The following RPS6KC1 variants were observed in gnomAD, a reference collection of about 807,000 sequenced individuals.
RPS6KC1 encodes inactive ribosomal protein S6 kinase delta-1.
Under a neutral mutation model 103.8 loss-of-function variants are expected in RPS6KC1, and 54 were observed. That is an observed-to-expected ratio of 0.52 (90% confidence interval 0.42 to 0.65). RPS6KC1 has a LOEUF of 0.65. Among genes scored for constraint, RPS6KC1 ranks in the 30% least tolerant of loss-of-function variants. RPS6KC1 has a pLI of 0.00. For missense variants in RPS6KC1, 1,151 were observed against 1,253.8 expected (o/e 0.92, Z 1.24); for synonymous variants, 439 against 438.7 (o/e 1.00, Z -0.01).
chr1:213,470,630 T>G, the RPS6KC1 span, among the ~76,000 whole-genome samples: 21,788 of 146,204 alleles, frequency 0.15, 1,195 homozygotes, highest in East Asian at 0.25. Context: ...TTTTTTTTTT[T>G]TTTTTTAGAG....
At chr1:213,289,687 A>C in the RPS6KC1 span, among the ~76,000 whole-genome samples, 1 of 152,204 alleles carries the variant, frequency 6.6e-6, no homozygotes, top group Non-Finnish European at 1.5e-5. Flanking sequence ...TGTTACTTCT[A>C]TCTACTCTAT....
chr1:213,577,826 A>G, the RPS6KC1 span, among the ~76,000 whole-genome samples: 1 of 152,264 alleles, frequency 6.6e-6, no homozygotes, highest in African/African-American at 2.4e-5. Flanking sequence ...TATGTTTAAA[A>G]GGGAAGCAGA....
the RPS6KC1 span, among the ~76,000 whole-genome samples, chr1:213,333,344 C>T: frequency 6.6e-6 from 1 of 152,178 alleles, no homozygotes; most frequent in Non-Finnish European, 1.5e-5. Context: ...GAATGCGTGT[C>T]ATGAGTTAAG....
At chr1:213,664,220 T>A in the RPS6KC1 span, among the ~76,000 whole-genome samples, 2 of 142,876 alleles carry the variant, frequency 1.4e-5, no homozygotes, top group African/African-American at 2.6e-5. Flanking sequence ...AGGGGAGCGC[T>A]CTGAGAACAC....
chr1:213,728,575 C>T, the RPS6KC1 span, among the ~76,000 whole-genome samples: 1 of 152,062 alleles, frequency 6.6e-6, no homozygotes, highest in South Asian at 2.1e-4. Flanking sequence ...ATAAGAGTAC[C>T]CACTGCCCGG....
At chr1:213,059,696 C>T (rs770960197) in intron 1 of RPS6KC1, among the ~76,000 whole-genome samples, 13 of 150,520 alleles carry the variant, frequency 8.6e-5, no homozygotes, top group Admixed American at 1.3e-4. Flanking sequence ...TTTTTTGAGA[C>T]GCATCTCGCT....
At chr1:213,528,896 T>G in the RPS6KC1 span, among the ~76,000 whole-genome samples, 97,592 of 152,130 alleles carry the variant, frequency 0.64, 33,642 homozygotes, top group East Asian at 0.98. Flanking sequence ...TCAGAAGTCT[T>G]CTGGAAAATA....
chr1:213,301,962 C>T, the RPS6KC1 span, among the ~76,000 whole-genome samples: 1 of 152,120 alleles, frequency 6.6e-6, no homozygotes, highest in Non-Finnish European at 1.5e-5. Flanking sequence ...TCTCGAACTC[C>T]TGGCCTCAAG....
chr1:213,524,957 T>G, the RPS6KC1 span, among the ~76,000 whole-genome samples: 2 of 152,340 alleles, frequency 1.3e-5, no homozygotes, highest in Admixed American at 1.3e-4. Context: ...TTAACGACTT[T>G]TTGCCTTTTC....
chr1:213,519,403 AAG>A, the RPS6KC1 span, among the ~76,000 whole-genome samples: 1 of 152,218 alleles, frequency 6.6e-6, no homozygotes, highest in South Asian at 2.1e-4. Flanking sequence ...GCAGAAAAGA[AAG>A]AGGTTTTTCA....
chr1:213,533,802 A>G, the RPS6KC1 span, among the ~76,000 whole-genome samples: 2 of 152,222 alleles, frequency 1.3e-5, no homozygotes, highest in Non-Finnish European at 2.9e-5. Flanking sequence ...CTACCCAGCA[A>G]TTAGCTATAC....
the RPS6KC1 span, among the ~76,000 whole-genome samples, chr1:213,636,522 C>T: frequency 6.6e-6 from 1 of 152,082 alleles, no homozygotes; most frequent in Non-Finnish European, 1.5e-5. Flanking sequence ...GGAAAGGATT[C>T]CCTATTTAAT....
the RPS6KC1 span, among the ~76,000 whole-genome samples, chr1:213,346,181 A>G: frequency 6.6e-6 from 1 of 152,154 alleles, no homozygotes; most frequent in Non-Finnish European, 1.5e-5. Context: ...TTTTTTTCTA[A>G]AGTCCAGCTT....
At chr1:213,637,373 G>A in the RPS6KC1 span, among the ~76,000 whole-genome samples, 20,853 of 146,396 alleles carry the variant, frequency 0.14, 2,300 homozygotes, top group African/African-American at 0.31. Flanking sequence ...CAACCCAAAT[G>A]TCCATCAATG....
At chr1:213,538,795 G>A in the RPS6KC1 span, among the ~76,000 whole-genome samples, 1 of 152,126 alleles carries the variant, frequency 6.6e-6, no homozygotes, top group Non-Finnish European at 1.5e-5. Flanking sequence ...ATTAAGCAAG[G>A]CAGGAATAAG....
intron 5 of RPS6KC1, among the ~76,000 whole-genome samples, chr1:213,127,965 A>G (rs2085173064): frequency 6.6e-6 from 1 of 152,234 alleles, no homozygotes; most frequent in Non-Finnish European, 1.5e-5. Flanking sequence ...TGAATGTAAC[A>G]GAAACAGAAA....
the RPS6KC1 span, among the ~76,000 whole-genome samples, chr1:213,807,652 T>C: frequency 2.0e-5 from 3 of 152,076 alleles, no homozygotes; most frequent in African/African-American, 7.2e-5. Flanking sequence ...AGCACTTCTC[T>C]GTATTGGTTA....
In RPS6KC1 at chr1:213,083,715, CTG is replaced by C. The variant is rs1401948025; in HGVS notation, c.262+5903_262+5904del. The stretch of plus-strand genomic sequence containing the variant: ...TGAATCTTTGAGGCCAAAGAGAGGT[CTG>C]TGTTGGCCAGCTTCCAAGATGGCCC... On this transcript the variant is annotated intron_variant, in intron 3 of 14. Transcript: ENST00000366960. Among the ~76,000 whole-genome samples the C allele has an allele frequency of 2.0e-5, 3 of 152,158 alleles. No homozygotes were observed. The East Asian group carries it at 5.8e-4, about 29-fold the overall frequency.
At chr1:213,428,633 G>T in the RPS6KC1 span, 1 of 106,122 alleles carries the variant, frequency 9.4e-6, no homozygotes, top group African/African-American at 3.8e-5. Context: ...TCTTTCTTTC[G>T]TCTTTCCTCT....
Sources: allele counts gnomAD v4.1 joint callset (sites outside exome capture counted in the v4.1 genomes callset), GRCh38; gene constraint gnomAD v4.1.1; transcripts MANE v1.5; gene names NCBI Gene and HGNC (gene_info 2026-07-23, HGNC 2026-07-21).